SIGLEC12: variants seen among roughly 807,000 people sequenced by gnomAD.
SIGLEC12 encodes sialic acid-binding Ig-like lectin 12.
SIGLEC12 carries 43 observed loss-of-function variants against 54.1 expected under a neutral mutation model. That is an observed-to-expected ratio of 0.80 (90% CI 0.62 to 1.03). SIGLEC12 has a LOEUF of 1.03. Among genes scored for constraint, SIGLEC12 ranks in the 50% least tolerant of loss-of-function variants. The pLI, the probability that SIGLEC12 is intolerant of heterozygous loss-of-function variation, is 0.00. For synonymous variants in SIGLEC12, 357 were observed against 307.6 expected, an observed-to-expected ratio of 1.16 and a Z score of -1.68; for missense variants, 802 against 735.2, an observed-to-expected ratio of 1.09 and a Z score of -1.05.
intron 6 of SIGLEC12, 104 bp downstream of exon 6, chr19:51,497,245 C>T (rs992778472): frequency 1.8e-6 from 2 of 1,093,492 alleles, no homozygotes; most frequent in South Asian, 1.4e-5. Flanking sequence ...CTGGCCCTTG[C>T]TTCAAGCTCT....
chr19:51,501,476 C>G lies in SIGLEC12; in HGVS notation c.258G>C (p.Gln86His). The G allele has an allele frequency of 6.2e-7, 1 of 1,614,020 alleles. No homozygotes were observed. Among genetic ancestry groups the G allele is most frequent in the Non-Finnish European group, 8.5e-7 (1 of 1,179,908 alleles). ...GGTGGAATCGGTCCCGAGTCTCCTCCTGCACTGCTCGAGCTGGGTTGTTTG... is the reference window on the plus strand; with the variant it reads ...GGTGGAATCGGTCCCGAGTCTCCTCGTGCACTGCTCGAGCTGGGTTGTTTG... ...VATNNPARAV[Q>H]EETRDRFHLL... is the part of the protein sequence containing the mutation. The change falls in exon 1 of 8, where the codon CAG becomes CAC. Residue 86 changes from glutamine (Q) to histidine (H), a missense_variant. Physicochemically the swap from Gln to His is conservative, Grantham distance 24. Coordinates refer to ENST00000291707, the MANE Select transcript of SIGLEC12 (RefSeq NM_053003.4).
In SIGLEC12 at chr19:51,501,703, G is replaced by A. The variant is rs1388605816; in HGVS notation, c.31C>T (p.Leu11=). 1 of 1,611,906 alleles carries A rather than the reference G, an allele frequency of 6.2e-7. No individual in the cohort carries two copies. Among genetic ancestry groups the A allele is most frequent in the Admixed American group, 1.7e-5 (1 of 59,930 alleles). MLLLLLLLPP[L]LCGRVGAKEQ... ...TTAGCCCCCACTCTCCCACAGAGCA[G>A]GGGTGGCAGCAGTAGCAGCAGCAGT... The change falls in exon 1 of 8, where the codon CTG becomes TTG. Residue 11 remains leucine (L), a synonymous_variant. Transcript: ENST00000291707.
In SIGLEC12 at chr19:51,491,792, G is replaced by A. The variant is rs57043266; in HGVS notation, c.1637C>T (p.Pro546Leu). 3.8e-5 allele frequency: 61 copies of A among 1,597,678 alleles called. No individual in the cohort carries two copies. The highest frequency in any genetic ancestry group is 8.1e-5 in the African/African-American group (6 of 74,352). ...GGCCAGGGCTGGCGGAGCATGGTGT[G>A]GGGGGCTGTCATCTGCCGGGGATTC... Reference protein sequence around the residue: ...LIESPADDSPPHHAPPALATP... With the variant: ...LIESPADDSPLHHAPPALATP... The change falls in exon 8 of 8, where the codon CCA (proline) becomes CTA (leucine). Residue 546 changes from proline (P) to leucine (L), a missense_variant. Transcript: ENST00000291707.
intron 4 of SIGLEC12, 79 bp downstream of exon 4, chr19:51,499,091 G>A (rs1026242098): frequency 5.9e-6 from 9 of 1,513,334 alleles, no homozygotes; most frequent in Non-Finnish European, 8.3e-6. Flanking sequence ...AAGGGTCTCA[G>A]GTCACCAGGG....
intron 7 of SIGLEC12, among the ~76,000 whole-genome samples, chr19:51,495,600 A>G (rs1268472158): frequency 6.6e-6 from 1 of 152,218 alleles, no homozygotes; most frequent in African/African-American, 2.4e-5. Flanking sequence ...CCTAAAGCAT[A>G]TATCTATCTT....
At position 51,500,230 on chromosome 19, in the gene SIGLEC12, A is replaced by T; in HGVS notation, c.498T>A (p.Cys166Ter). 5.6e-6 allele frequency: 9 copies of T among 1,614,184 alleles called. No homozygotes were observed. The highest frequency in any genetic ancestry group is 7.6e-6 in the Non-Finnish European group (9 of 1,180,018). Residue 166 changes from cysteine (C) to a stop codon, truncating the protein, a stop_gained, in exon 2 of 8, where the codon TGT becomes TGA. Coordinates refer to ENST00000291707, the MANE Select transcript of SIGLEC12 (RefSeq NM_053003.4). LOFTEE classifies it high-confidence loss of function. ...AAAGGACACTGCAGGGCACAGAGACACACAGACCCTCCTGCACAGTCACCG... is the reference window on the plus strand; with the variant it reads ...AAAGGACACTGCAGGGCACAGAGACTCACAGACCCTCCTGCACAGTCACCG... ...PESVTVQEGL[C>*]VSVPCSVLYP...
chr19:51,491,692 C>A lies in SIGLEC12; in HGVS notation c.1737G>T (p.Gln579His), dbSNP rs759328309. 35 of 1,613,954 alleles carry A rather than the reference C, an allele frequency of 2.2e-5. No homozygotes were observed. Among genetic ancestry groups the A allele is most frequent in the Non-Finnish European group, 3.0e-5 (35 of 1,179,994 alleles). ...ACTCATAGCCGATGGCCTCCTGTTC[C>A]TGTGGGTACTGAGGCCTCGCTTTGT... ...SFHKARPQYP[Q>H]EQEAIGYEYS... Residue 579 changes from glutamine to histidine, a missense_variant, in exon 8 of 8, where the codon CAG becomes CAT. Transcript: ENST00000291707.
chr19:51,491,754 C>T lies in SIGLEC12; in HGVS notation c.1675G>A (p.Glu559Lys), dbSNP rs748590023. Residue 559 changes from glutamate (E) to lysine (K), a missense_variant, in exon 8 of 8, where the codon GAG becomes AAG. Transcript: ENST00000291707. The stretch of plus-strand genomic sequence containing the variant: ...GATGCATACTGGATCTCTCCTTCCT[C>T]TGGGGAGGGGGTGGCCAGGGCTGGC... ...APPALATPSP[E>K]EGEIQYASLS... 11 of 1,612,136 alleles carry T rather than the reference C, an allele frequency of 6.8e-6. No individual in the cohort carries two copies. Among genetic ancestry groups the T allele is most frequent in the Non-Finnish European group, 9.3e-6 (11 of 1,178,932 alleles).
At position 51,499,165 on chromosome 19, in the gene SIGLEC12, C is replaced by T; in HGVS notation, c.1135+5G>A. On this transcript the variant is annotated splice_donor_5th_base_variant and intron_variant, in intron 4 of 7. Transcript: ENST00000291707. ...TCCAGCCCCAGGGAGAGGACTCCATCTTACCTGTGCCATCTCCTTGGAAGA... is the reference window on the plus strand; with the variant it reads ...TCCAGCCCCAGGGAGAGGACTCCATTTTACCTGTGCCATCTCCTTGGAAGA... The T allele has an allele frequency of 6.2e-7, 1 of 1,614,038 alleles. No homozygotes were observed. Among genetic ancestry groups the T allele is most frequent in the Non-Finnish European group, 8.5e-7 (1 of 1,179,912 alleles).
chr19:51,497,191 C>T (rs1990264859), intron 6 of SIGLEC12, among the ~76,000 whole-genome samples, 158 bp downstream of exon 6: 1 of 152,180 alleles, frequency 6.6e-6, no homozygotes, highest in African/African-American at 2.4e-5. Context: ...GCTCCACAAA[C>T]AGGGGCGCTC....
chr19:51,498,421 T>C (rs566046291), intron 4 of SIGLEC12, 134 bp from the exon 5 acceptor site: 10 of 719,684 alleles, frequency 1.4e-5, no homozygotes, highest in African/African-American at 1.2e-4. Flanking sequence ...CGTTCACTGC[T>C]CACTGTTGGG....
intron 5 of SIGLEC12, 85 bp from the exon 6 acceptor site, chr19:51,497,530 T>G: frequency 2.1e-6 from 2 of 971,304 alleles, no homozygotes; most frequent in Non-Finnish European, 3.2e-6. Context: ...GCCCCAGACT[T>G]GGGTACCCCA....
intron 4 of SIGLEC12, 23 bp from the exon 5 acceptor site, chr19:51,498,310 G>A: frequency 2.5e-6 from 4 of 1,574,834 alleles, no homozygotes; most frequent in Non-Finnish European, 3.5e-6. Context: ...AGACAGAAGG[G>A]CAGAGAGAGA....
intron 7 of SIGLEC12, 115 bp downstream of exon 7, chr19:51,496,765 G>A (rs1470539629): frequency 8.7e-7 from 1 of 1,152,498 alleles, no homozygotes; most frequent in East Asian, 2.4e-5. Context: ...AAGTGGACAG[G>A]ACGTGATTTT....
chr19:51,499,040 G>C (rs943930446), intron 4 of SIGLEC12, 130 bp downstream of exon 4: 11 of 872,866 alleles, frequency 1.3e-5, no homozygotes, highest in Non-Finnish European at 2.1e-5. Flanking sequence ...GTGGCCAAAA[G>C]GCTGAGGCTG....
intron 1 of SIGLEC12, 117 bp from the exon 2 acceptor site, chr19:51,500,417 G>T (rs1480062525): frequency 5.1e-6 from 8 of 1,577,258 alleles, no homozygotes; most frequent in Middle Eastern, 1.8e-4. Flanking sequence ...GAGCAGAGAA[G>T]GGGGAGGGAG....
At chr19:51,500,937 A>T (rs556239480) in intron 1 of SIGLEC12, among the ~76,000 whole-genome samples, 6 of 152,112 alleles carry the variant, frequency 3.9e-5, no homozygotes, top group Non-Finnish European at 8.8e-5. Context: ...TGTGGAGATA[A>T]TTGTCTCGCT....
rs1040974745 is a variant in SIGLEC12, at chr19:51,491,874, A to G, written c.1600-45T>C. ...GGAGTCAGTGCAGAGCAGTGGGGCC[A>G]GCATGCACCAGAGAGCATCCAGGAA... On this transcript the variant is annotated intron_variant, in intron 7 of 7. Transcript: ENST00000291707. The G allele has an allele frequency of 7.6e-6, 11 of 1,452,918 alleles. No individual in the cohort carries two copies. The Middle Eastern group carries it at 6.6e-4, about 87-fold the overall frequency. The allele number at this position is 1,452,918 out of a possible 1,614,324, so 90.0% of individuals were successfully genotyped here.
chr19:51,497,553 G>A (rs1051775080), intron 5 of SIGLEC12, 108 bp from the exon 6 acceptor site: 36 of 737,094 alleles, frequency 4.9e-5, no homozygotes, highest in Admixed American at 1.9e-4. Flanking sequence ...CCCGCTTCCC[G>A]GACAGAAAGA....
Sources: allele counts gnomAD v4.1 joint callset (sites outside exome capture counted in the v4.1 genomes callset), GRCh38; gene constraint gnomAD v4.1.1; transcripts MANE v1.5; gene names NCBI Gene and HGNC (gene_info 2026-07-23, HGNC 2026-07-21).